MCTP1: variants seen among roughly 807,000 people sequenced by gnomAD.
MCTP1 encodes multiple C2 and transmembrane domain-containing protein 1.
A neutral mutation model predicts 120.6 loss-of-function variants in MCTP1; 69 were observed. That is an observed-to-expected ratio of 0.57 (90% CI 0.47 to 0.70). MCTP1 has a LOEUF of 0.70. Among genes scored for constraint, MCTP1 ranks in the 30% least tolerant of loss-of-function variants. MCTP1 has a pLI of 0.00. For synonymous variants in MCTP1, 529 were observed against 493.1 expected (o/e 1.07, Z -0.96); for missense variants, 1,203 against 1,248.8 (o/e 0.96, Z 0.55).
intron 18 of MCTP1, among the ~76,000 whole-genome samples, chr5:94,790,722 A>AG (rs1778708108): frequency 6.6e-6 from 1 of 152,190 alleles, no homozygotes. Flanking sequence ...ATGAGTTGGT[A>AG]GGGTCAGACT....
intron 7 of MCTP1, among the ~76,000 whole-genome samples, chr5:94,922,558 A>T (rs766569349): frequency 2.6e-5 from 4 of 151,570 alleles, no homozygotes; most frequent in Non-Finnish European, 5.9e-5. Flanking sequence ...GCGCAATCGC[A>T]GCCCACTACA....
chr5:95,206,313 T>C (rs1751607124), intron 1 of MCTP1, among the ~76,000 whole-genome samples: 4 of 152,124 alleles, frequency 2.6e-5, no homozygotes, highest in African/African-American at 9.7e-5. Context: ...AGAAAAACAA[T>C]AGTGACAGAA....
chr5:94,749,686 A>T (rs999511730), intron 19 of MCTP1, among the ~76,000 whole-genome samples: 4 of 127,892 alleles, frequency 3.1e-5, no homozygotes, highest in Admixed American at 2.4e-4. Flanking sequence ...AAAAAAAAAA[A>T]TATCAAGGCA....
intron 1 of MCTP1, among the ~76,000 whole-genome samples, chr5:95,158,892 G>A (rs1321020905): frequency 2.0e-5 from 3 of 152,162 alleles, no homozygotes; most frequent in Non-Finnish European, 4.4e-5. Context: ...CTGCACTCCA[G>A]CCTGGGTGAT....
At chr5:94,966,868 C>T (rs923871241) in intron 2 of MCTP1, among the ~76,000 whole-genome samples, 3 of 151,928 alleles carry the variant, frequency 2.0e-5, no homozygotes, top group Admixed American at 1.3e-4. Context: ...GCTAGTTCAG[C>T]TAGTGCTTTT....
chr5:95,029,718 CTG>C (rs1309434796), intron 1 of MCTP1, among the ~76,000 whole-genome samples: 13 of 152,210 alleles, frequency 8.5e-5, no homozygotes, highest in African/African-American at 3.1e-4. Context: ...GCAATGCTAT[CTG>C]TGGTGATTTG....
chr5:95,146,172 T>C (rs1215087627), intron 1 of MCTP1, among the ~76,000 whole-genome samples: 1 of 152,188 alleles, frequency 6.6e-6, no homozygotes, highest in Non-Finnish European at 1.5e-5. Flanking sequence ...TAAATTTGTG[T>C]GCACAGAGGT....
intron 19 of MCTP1, among the ~76,000 whole-genome samples, chr5:94,717,988 T>A (rs1160921831): frequency 5.9e-5 from 9 of 152,118 alleles, no homozygotes; most frequent in Non-Finnish European, 1.5e-5. Context: ...ACCACTGACC[T>A]TCTTCACAAA....
intron 1 of MCTP1, among the ~76,000 whole-genome samples, chr5:95,255,474 G>T (rs967037786): frequency 1.3e-5 from 2 of 152,082 alleles, no homozygotes; most frequent in Non-Finnish European, 2.9e-5. Flanking sequence ...CAAACAAAAA[G>T]CTTTCTACTT....
rs528432830 is a variant in MCTP1, at chr5:95,122,977, G to C, written c.721-105493C>G. On this transcript the variant is annotated intron_variant, in intron 1 of 22. Coordinates refer to ENST00000515393, the MANE Select transcript of MCTP1 (RefSeq NM_024717.7). Reference sequence around the variant, plus strand: ...TAGAAGGGCGGTTACCAGAGGCTGGGAAAGGTAGTGGGGAGATGAGAAGAA... The same window carrying C: ...TAGAAGGGCGGTTACCAGAGGCTGGCAAAGGTAGTGGGGAGATGAGAAGAA... 8.5e-5 allele frequency among the ~76,000 whole-genome samples: 13 copies of C among 152,298 alleles called. No homozygotes were observed. The South Asian group carries it at 2.7e-3, about 32-fold the overall frequency.
intron 1 of MCTP1, among the ~76,000 whole-genome samples, chr5:95,083,990 T>C (rs946919797): frequency 4.6e-5 from 7 of 152,144 alleles, no homozygotes; most frequent in African/African-American, 1.7e-4. Flanking sequence ...AAATAACATA[T>C]TGCAGAAAAA....
chr5:94,981,736 T>C (rs183385621), intron 2 of MCTP1, among the ~76,000 whole-genome samples: 1 of 152,078 alleles, frequency 6.6e-6, no homozygotes, highest in Admixed American at 6.6e-5. Flanking sequence ...CTTGAAACAA[T>C]GAAGGAGGTT....
rs111991549 is a variant in MCTP1 at position 94,785,176 on chromosome 5, A to G, written c.2557-6013T>C. On this transcript the variant is annotated intron_variant, in intron 18 of 22. Transcript: ENST00000515393. Reference sequence around the variant, plus strand: ...CTTCCATTAAGAAAGGCGAAACAATAACAAATTCTATAATCAGTATAAGCC... The same window carrying G: ...CTTCCATTAAGAAAGGCGAAACAATGACAAATTCTATAATCAGTATAAGCC... Among the ~76,000 whole-genome samples the G allele has an allele frequency of 2.2e-3, 341 of 152,266 alleles. 2 individuals carry two copies. Among genetic ancestry groups the G allele is most frequent in the African/African-American group, 7.9e-3 (328 of 41,578 alleles).
intron 3 of MCTP1, among the ~76,000 whole-genome samples, chr5:94,945,204 C>T (rs910573927): frequency 6.6e-6 from 1 of 152,054 alleles, no homozygotes; most frequent in Non-Finnish European, 1.5e-5. Context: ...TTCATGGGTC[C>T]TTCCCACCAC....
intron 2 of MCTP1, among the ~76,000 whole-genome samples, chr5:94,987,112 C>G (rs925176036): frequency 2.0e-5 from 3 of 151,912 alleles, no homozygotes; most frequent in African/African-American, 7.3e-5. Context: ...TATTTTCAAC[C>G]CCCAGTTGGT....
At chr5:95,073,976 C>T (rs557962959) in intron 1 of MCTP1, among the ~76,000 whole-genome samples, 6 of 152,104 alleles carry the variant, frequency 3.9e-5, no homozygotes, top group African/African-American at 1.4e-4. Flanking sequence ...TTTGGCCGGG[C>T]GTGGTGGCGG....
intron 1 of MCTP1, among the ~76,000 whole-genome samples, chr5:95,175,784 C>T (rs1747898877): frequency 6.6e-6 from 1 of 152,216 alleles, no homozygotes; most frequent in African/African-American, 2.4e-5. Flanking sequence ...CCCACCCACT[C>T]ACACCTGCCA....
chr5:95,171,150 T>C (rs1461487338), intron 1 of MCTP1, among the ~76,000 whole-genome samples: 1 of 152,212 alleles, frequency 6.6e-6, no homozygotes, highest in Non-Finnish European at 1.5e-5. Context: ...TAAAGGATTA[T>C]ATTTCTCCTT....
intron 18 of MCTP1, chr5:94,789,261 T>C (rs1778383853): frequency 6.6e-6 from 1 of 152,242 alleles, no homozygotes; most frequent in Non-Finnish European, 1.5e-5. Context: ...AAACAACCTC[T>C]AGGGCAACTA....
Sources: allele counts gnomAD v4.1 joint callset (sites outside exome capture counted in the v4.1 genomes callset), GRCh38; gene constraint gnomAD v4.1.1; transcripts MANE v1.5; gene names NCBI Gene and HGNC (gene_info 2026-07-23, HGNC 2026-07-21).